Variants in LRRC9 observed in about 807,000 individuals in gnomAD.
The protein encoded by LRRC9 is leucine rich repeat containing 9, also known as leucine-rich repeat-containing protein 9.
A neutral mutation model predicts 63.2 loss-of-function variants in LRRC9; 122 were observed. The ratio of observed to expected loss-of-function variants is 1.93; its 90% confidence interval spans 1.67 to 2.24. The LOEUF is 2.24. Ranked by LOEUF, LRRC9 falls within the 30% of genes most tolerant of loss-of-function variation. The pLI is 0.00. For synonymous variants in LRRC9, 366 were observed against 213.1 expected (o/e 1.72, Z -6.25); for missense variants, 1,071 against 627.7 (o/e 1.71, Z -7.55).
At chr14:60,000,919 C>T (rs768327076) in intron 19 of LRRC9, among the ~76,000 whole-genome samples, 1 of 151,842 alleles carries the variant, frequency 6.6e-6, no homozygotes, top group African/African-American at 2.4e-5. Flanking sequence ...AAATATGTGC[C>T]GAAGATCTGA....
intron 27 of LRRC9, among the ~76,000 whole-genome samples, chr14:60,024,863 C>G (rs1025457371): frequency 4.6e-5 from 7 of 151,286 alleles, no homozygotes; most frequent in Non-Finnish European, 1.0e-4. Context: ...ATTGTTGGAG[C>G]GTACTTACTG....
intron 23 of LRRC9, among the ~76,000 whole-genome samples, chr14:60,015,116 A>G (rs763378603): frequency 6.6e-6 from 1 of 152,008 alleles, no homozygotes; most frequent in Non-Finnish European, 1.5e-5. Flanking sequence ...TTCAATTCTA[A>G]AATTTTCATT....
At chr14:60,026,201 A>C (rs1891538838) in intron 27 of LRRC9, among the ~76,000 whole-genome samples, 1 of 152,142 alleles carries the variant, frequency 6.6e-6, no homozygotes. Context: ...AAAAGTAAGC[A>C]CACAGAAAGA....
chr14:60,025,130 A>T (rs538447568), intron 27 of LRRC9, among the ~76,000 whole-genome samples: 1 of 151,114 alleles, frequency 6.6e-6, no homozygotes, highest in South Asian at 2.1e-4. Flanking sequence ...TCTCTGTATC[A>T]CCCAGGCTGG....
intron 29 of LRRC9, among the ~76,000 whole-genome samples, chr14:60,038,130 T>C (rs566890182): frequency 6.6e-6 from 1 of 152,336 alleles, no homozygotes; most frequent in African/African-American, 2.4e-5. Context: ...TCTATATCTC[T>C]GTTTTGGTAC....
chr14:59,968,653 T>C (rs574192243), intron 12 of LRRC9, among the ~76,000 whole-genome samples: 45 of 152,158 alleles, frequency 3.0e-4, no homozygotes, highest in Admixed American at 2.2e-3. Context: ...AGGTGAGGAA[T>C]TCAGGGTTTT....
Position 60,028,113 on chromosome 14 carries a change from AT to A in LRRC9, c.3921+19del, listed in dbSNP as rs1192205601. 1.5e-6 allele frequency: 1 copy of A among 680,612 alleles called. No individual in the cohort carries two copies. Among genetic ancestry groups the A allele is most frequent in the South Asian group, 1.6e-5 (1 of 63,074 alleles). The allele number at this position is 680,612 out of a possible 1,614,324, so 42.2% of individuals were successfully genotyped here. On this transcript the variant is annotated intron_variant, in intron 28 of 31. Coordinates refer to ENST00000445360, the Ensembl canonical transcript of LRRC9. Reference sequence around the variant, plus strand: ...ATAATAAAATCCAGGTAACATTATTATTTTTTTATTATGGGATTTACAAGCT... The same window carrying A: ...ATAATAAAATCCAGGTAACATTATTATTTTTTATTATGGGATTTACAAGCT...
chr14:59,995,342 A>G (rs1315215789), intron 17 of LRRC9, among the ~76,000 whole-genome samples: 2 of 152,188 alleles, frequency 1.3e-5, no homozygotes, highest in African/African-American at 4.8e-5. Flanking sequence ...ATAAATGGCT[A>G]TTTGCAACCT....
chr14:60,053,111 C>T lies in LRRC9; in HGVS notation c.4037C>T (p.Pro1346Leu). The T allele has an allele frequency of 1.4e-6, 1 of 701,526 alleles. No homozygotes were observed. The highest frequency in any genetic ancestry group is 2.6e-6 in the Non-Finnish European group (1 of 384,194). The allele number at this position is 701,526 out of a possible 1,614,324, so 43.5% of individuals were successfully genotyped here. A position where few individuals can be genotyped will look rare whatever the true frequency, so the allele number is the denominator to read the frequency against. The stretch of plus-strand genomic sequence containing the variant: ...CGCCACATGCTTATATTTCGACTGC[C>T]TAACTTACAGATGTTAGATGGAAGT... Residue 1346 changes from proline to leucine, a missense_variant, in exon 30 of 32, where the codon CCT (proline) becomes CTT (leucine). Coordinates refer to ENST00000445360, the Ensembl canonical transcript of LRRC9. This position sits in a 1 kb window ranked among gnomAD's most constrained non-coding sequence, Gnocchi z 4.8.
In LRRC9 at chr14:60,051,059, G is replaced by A. The variant is rs932820635; in HGVS notation, c.3991-2006G>A. Among the ~76,000 whole-genome samples the A allele has an allele frequency of 2.6e-5, 4 of 152,212 alleles. No individual in the cohort carries two copies. The highest frequency in any genetic ancestry group is 5.9e-5 in the Non-Finnish European group (4 of 68,040). On this transcript the variant is annotated intron_variant, in intron 29 of 31. Coordinates refer to ENST00000445360, the Ensembl canonical transcript of LRRC9. This position sits in a 1 kb window ranked among gnomAD's most constrained non-coding sequence, Gnocchi z 4.7. The stretch of plus-strand genomic sequence containing the variant: ...GTTCTCACCCAGTCAGGAGGAACAG[G>A]ATCAAGGACACACTTACAGGAGTAG...
chr14:60,016,112 T>A (rs1890662290), intron 23 of LRRC9, among the ~76,000 whole-genome samples: 1 of 152,094 alleles, frequency 6.6e-6, no homozygotes, highest in Non-Finnish European at 1.5e-5. Context: ...AAAAAGAAAA[T>A]CCAGGGTGTC....
chr14:60,018,255 C>A, intron 24 of LRRC9, 116 bp from the exon 25 acceptor site: 1 of 630,694 alleles, frequency 1.6e-6, no homozygotes, highest in Non-Finnish European at 2.9e-6. Context: ...TATTTTTATA[C>A]TTGTCAGGTG....
rs755314121 is a variant in LRRC9 at position 60,002,124 on chromosome 14, T to C, written c.2664+24T>C. Reference sequence around the variant, plus strand: ...AGGTAAAGGCTAATTCTATTAAACCTAATATAAAGCTTAATTTAAATCTAT... The same window carrying C: ...AGGTAAAGGCTAATTCTATTAAACCCAATATAAAGCTTAATTTAAATCTAT... On this transcript the variant is annotated intron_variant, in intron 20 of 31. Coordinates refer to ENST00000445360, the Ensembl canonical transcript of LRRC9. 1.0e-4 allele frequency: 68 copies of C among 683,086 alleles called. 1 individual carries two copies. The highest frequency in any genetic ancestry group is 3.3e-4 in the South Asian group (21 of 64,124). The allele number at this position is 683,086 out of a possible 1,614,324, so 42.3% of individuals were successfully genotyped here. A position where few individuals can be genotyped will look rare whatever the true frequency, so the allele number is the denominator to read the frequency against.
intron 20 of LRRC9, among the ~76,000 whole-genome samples, 191 bp downstream of exon 20, chr14:60,002,291 G>A (rs993637514): frequency 7.9e-5 from 12 of 152,116 alleles, no homozygotes; most frequent in African/African-American, 1.7e-4. Flanking sequence ...ATACCGTATC[G>A]TTAACTTTAG....
intron 17 of LRRC9, among the ~76,000 whole-genome samples, chr14:59,993,065 G>A (rs1594965744): frequency 6.6e-6 from 1 of 152,130 alleles, no homozygotes; most frequent in South Asian, 2.1e-4. Flanking sequence ...GAGAAAGGTC[G>A]GGTTACCCAC....
intron 29 of LRRC9, among the ~76,000 whole-genome samples, chr14:60,043,727 C>T (rs975795008): frequency 2.8e-5 from 4 of 142,772 alleles, no homozygotes; most frequent in African/African-American, 7.9e-5. Context: ...CTATATTCAT[C>T]AGTGAGCGTA....
In LRRC9 at chr14:59,966,883, C is replaced by T; in HGVS notation, c.1388+118C>T. The T allele has an allele frequency of 1.8e-6, 1 of 551,696 alleles. No homozygotes were observed. Among genetic ancestry groups the T allele is most frequent in the Non-Finnish European group, 3.2e-6 (1 of 308,550 alleles). 34.2% of individuals were successfully genotyped at this position (551,696 alleles called of 1,614,324 possible). On this transcript the variant is annotated intron_variant, in intron 11 of 31. Coordinates refer to ENST00000445360, the Ensembl canonical transcript of LRRC9. This position sits in a 1 kb window ranked among gnomAD's most constrained non-coding sequence, Gnocchi z 4.0. ...ACATATACCTTGTTAGTAAATGTTT[C>T]CTTTTTATGCATCTCCCATGGCCAG...
rs951775479 is a variant in LRRC9, at chr14:59,952,365, C to T, written c.883-7453C>T. 1.9e-4 allele frequency among the ~76,000 whole-genome samples: 29 copies of T among 152,296 alleles called. 1 individual carries two copies. The highest frequency in any genetic ancestry group is 9.1e-4 in the Admixed American group (14 of 15,306). On this transcript the variant is annotated intron_variant, in intron 8 of 31. Transcript: ENST00000445360. ...GCCTCGCCTTGCTTCGGCTCGCGCA[C>T]GGTGCGCGCACCCACTGGCCTGCGC...
rs955197237 is a variant in LRRC9 at position 60,004,020 on chromosome 14, A to G, written c.2842+222A>G. ...TATATACTTCAAAACATCATGTTGT[A>G]CAAGATAAATGGATACAATATTATC... On this transcript the variant is annotated intron_variant, in intron 21 of 31. Transcript: ENST00000445360. The surrounding 1 kb of genome is among the most constrained non-coding windows in gnomAD (Gnocchi z 4.8). Among the ~76,000 whole-genome samples the G allele has an allele frequency of 1.3e-5, 2 of 152,224 alleles. No homozygotes were observed. Among genetic ancestry groups the G allele is most frequent in the African/African-American group, 2.4e-5 (1 of 41,466 alleles).
Sources: gnomAD v4.1 joint callset for allele counts (sites outside exome capture counted in the v4.1 genomes callset) on GRCh38, gnomAD v4.1.1 for gene constraint, Gnocchi (gnomAD v3.1) non-coding constraint, MANE v1.5 for transcripts, NCBI Gene and HGNC (gene_info 2026-07-23, HGNC 2026-07-21) for gene names.